Variants in USP15 observed in about 807,000 individuals in gnomAD.
USP15 encodes the protein ubiquitin carboxyl-terminal hydrolase 15.
A neutral mutation model predicts 127.1 loss-of-function variants in USP15; 18 were observed. The observed-to-expected ratio is 0.14, with a 90% CI of 0.10 to 0.21. The LOEUF is 0.21. Ranked by LOEUF, USP15 falls within the 10% of genes least tolerant of loss-of-function variation. The probability of loss-of-function intolerance (pLI) is 1.00; values close to 1 mark genes in which losing one functional copy is unlikely to be tolerated. For synonymous variants in USP15, 364 were observed against 393.7 expected (o/e 0.92, Z 0.89); for missense variants, 805 against 1,159.9 (o/e 0.69, Z 4.44).
chr12:62,405,255 C>A lies in USP15; in HGVS notation c.*880C>A, dbSNP rs1019719530. ...TCTCCCAATTATTGTAATATAAGGACAGACATAATAGTATTCTGTACCCAT... is the reference window on the plus strand; with the variant it reads ...TCTCCCAATTATTGTAATATAAGGAAAGACATAATAGTATTCTGTACCCAT... On this transcript the variant is annotated 3_prime_UTR_variant, in exon 22 of 22. Transcript: ENST00000280377. The A allele has an allele frequency of 6.6e-6, 1 of 152,050 alleles. No homozygotes were observed. The allele number at this position is 152,050 out of a possible 1,614,324, so 9.4% of individuals were successfully genotyped here. A position where few individuals can be genotyped will look rare whatever the true frequency, so the allele number is the denominator to read the frequency against.
At chr12:62,358,021 C>A (rs1024042008) in intron 8 of USP15, among the ~76,000 whole-genome samples, 2 of 152,004 alleles carry the variant, frequency 1.3e-5, no homozygotes, top group Admixed American at 1.3e-4. Context: ...TGAAGACGTT[C>A]ATGAATTTTA....
intron 1 of USP15, among the ~76,000 whole-genome samples, chr12:62,268,671 A>G (rs975187919): frequency 1.1e-4 from 16 of 152,214 alleles, no homozygotes; most frequent in African/African-American, 3.4e-4. Flanking sequence ...CAGTCTCTAA[A>G]ACCACCTCTA....
At chr12:62,382,186 T>C (rs942465076) in intron 9 of USP15, among the ~76,000 whole-genome samples, 2 of 152,044 alleles carry the variant, frequency 1.3e-5, no homozygotes, top group African/African-American at 4.8e-5. Flanking sequence ...TCTTAAACTT[T>C]TAAGGTTATT....
chr12:62,321,739 CT>C lies in USP15; in HGVS notation c.621+133del, dbSNP rs201982455. The C allele has an allele frequency of 2.9e-3, 1,883 of 649,252 alleles. 25 individuals carry two copies. The African/African-American group carries it at 0.029, about 10-fold the overall frequency. 40.2% of individuals were successfully genotyped at this position (649,252 alleles called of 1,614,324 possible). A position where few individuals can be genotyped will look rare whatever the true frequency, so the allele number is the denominator to read the frequency against. On this transcript the variant is annotated intron_variant, in intron 5 of 21. Transcript: ENST00000280377. ...TCCTCTTTCTAAACTCATCTCTTGT[CT>C]TTCCTTGCTGGTTACTGACTCTGAC...
intron 3 of USP15, among the ~76,000 whole-genome samples, chr12:62,307,090 G>A (rs1021805968): frequency 6.6e-6 from 1 of 152,120 alleles, no homozygotes; most frequent in Non-Finnish European, 1.5e-5. Flanking sequence ...TATGGCTTTT[G>A]TCTAATGGAA....
intron 3 of USP15, among the ~76,000 whole-genome samples, chr12:62,303,813 G>A (rs1039336424): frequency 6.6e-6 from 1 of 152,026 alleles, no homozygotes; most frequent in African/African-American, 2.4e-5. Flanking sequence ...GATCTTGAAT[G>A]TACCTTTTAT....
intron 3 of USP15, among the ~76,000 whole-genome samples, chr12:62,303,752 C>A (rs1223561356): frequency 1.3e-5 from 2 of 152,086 alleles, no homozygotes; most frequent in Non-Finnish European, 2.9e-5. Context: ...ATTTGTGTAT[C>A]CATGGTTTTA....
At chr12:62,386,735 G>A (rs1212364268) in intron 11 of USP15, among the ~76,000 whole-genome samples, 2 of 152,020 alleles carry the variant, frequency 1.3e-5, no homozygotes, top group Non-Finnish European at 2.9e-5. Flanking sequence ...CTAAAAACTA[G>A]GGAAGCCATT....
intron 1 of USP15, among the ~76,000 whole-genome samples, chr12:62,277,983 C>T (rs947373368): frequency 6.6e-6 from 1 of 152,232 alleles, no homozygotes. Flanking sequence ...GTTTTTGACT[C>T]GTTTGTTATA....
chr12:62,321,537 C>T lies in USP15; in HGVS notation c.549C>T (p.Tyr183=), dbSNP rs551053815. 6 of 1,609,894 alleles carry T rather than the reference C, an allele frequency of 3.7e-6. No homozygotes were observed. The Admixed American group carries it at 1.0e-4, about 27-fold the overall frequency. Residue 183 remains tyrosine (Y), a synonymous_variant, in exon 5 of 22, where the codon TAC becomes TAT. Coordinates refer to ENST00000280377, the MANE Select transcript of USP15 (RefSeq NM_001252078.2). Reference sequence around the variant, plus strand: ...AGGAGACCAGATTGTGGAACAAATACATGAGTAACACATTTGAACCACTGA... The same window carrying T: ...AGGAGACCAGATTGTGGAACAAATATATGAGTAACACATTTGAACCACTGA... ...DEKETRLWNK[Y]MSNTFEPLNK... is the part of the protein sequence containing the mutation.
intron 1 of USP15, among the ~76,000 whole-genome samples, chr12:62,293,183 A>T (rs1173507055): frequency 6.6e-6 from 1 of 152,078 alleles, no homozygotes; most frequent in Admixed American, 6.6e-5. Context: ...GGAATGAAGG[A>T]TCCCAAACAC....
intron 8 of USP15, among the ~76,000 whole-genome samples, chr12:62,373,526 G>A (rs1379702476): frequency 1.3e-5 from 2 of 151,786 alleles, no homozygotes; most frequent in African/African-American, 4.8e-5. Context: ...CAAGTGTTAG[G>A]ACAACATCCT....
chr12:62,391,313 G>T lies in USP15; in HGVS notation c.2117G>T (p.Gly706Val). The T allele has an allele frequency of 6.2e-7, 1 of 1,613,216 alleles. No homozygotes were observed. Among genetic ancestry groups the T allele is most frequent in the East Asian group, 2.2e-5 (1 of 44,796 alleles). ...TEDTCKGQLT[G>V]HKKRLFTFQF... Reference sequence around the variant, plus strand: ...GATACTTGCAAAGGTCAACTCACGGGACACAAAAAACGATTGTTTACATTC... The same window carrying T: ...GATACTTGCAAAGGTCAACTCACGGTACACAAAAAACGATTGTTTACATTC... The change falls in exon 16 of 22, where the codon GGA becomes GTA. Residue 706 changes from glycine (G) to valine (V), a missense_variant. This residue lies in a region of USP15 where 225 missense variants were observed against 239.5 expected (regional missense o/e 0.94). Coordinates refer to ENST00000280377, the MANE Select transcript of USP15 (RefSeq NM_001252078.2).
intron 1 of USP15, among the ~76,000 whole-genome samples, chr12:62,262,673 G>A (rs955789285): frequency 4.6e-5 from 7 of 152,094 alleles, no homozygotes; most frequent in Admixed American, 3.3e-4. Context: ...GTGTGTGTGT[G>A]CGTGTATAGC....
chr12:62,327,486 A>C (rs2065160743), intron 6 of USP15, among the ~76,000 whole-genome samples: 1 of 152,172 alleles, frequency 6.6e-6, no homozygotes, highest in South Asian at 2.1e-4. Context: ...CTAAATGTTT[A>C]GATTGCTATG....
rs138261385 is a variant in USP15 at position 62,407,652 on chromosome 12, A to T, written c.*3277A>T. On this transcript the variant is annotated 3_prime_UTR_variant, in exon 22 of 22. Coordinates refer to ENST00000280377, the MANE Select transcript of USP15 (RefSeq NM_001252078.2). ...TGTGACATTTTTTTCTTACCTTTTC[A>T]TCTAACTTGTGTCCCCTTCTTTCCA... 1 of 152,000 alleles carries T rather than the reference A, an allele frequency of 6.6e-6. No individual in the cohort carries two copies. The highest frequency in any genetic ancestry group is 1.5e-5 in the Non-Finnish European group (1 of 67,988). 9.4% of individuals were successfully genotyped at this position (152,000 alleles called of 1,614,324 possible).
rs1017273066 is a variant in USP15 at position 62,260,780 on chromosome 12, C to A, written c.89+277C>A. Reference sequence around the variant, plus strand: ...GCGGTTCTCTTCGTCCTCCTTCCTTCCGTAGTGCCGCTCCCACCTCAGGCC... The same window carrying A: ...GCGGTTCTCTTCGTCCTCCTTCCTTACGTAGTGCCGCTCCCACCTCAGGCC... On this transcript the variant is annotated intron_variant, in intron 1 of 21. Transcript: ENST00000280377. Among the ~76,000 whole-genome samples the A allele has an allele frequency of 1.3e-5, 2 of 152,154 alleles. 1 individual carries two copies. The highest frequency in any genetic ancestry group is 1.3e-4 in the Admixed American group (2 of 15,288).
At chr12:62,400,537 G>A (rs992553281) in intron 20 of USP15, among the ~76,000 whole-genome samples, 1 of 150,538 alleles carries the variant, frequency 6.6e-6, no homozygotes, top group Non-Finnish European at 1.5e-5. Context: ...GTGGTTGGTT[G>A]GGTTCAGGGA....
intron 7 of USP15, among the ~76,000 whole-genome samples, chr12:62,353,227 C>A (rs184141528): frequency 6.6e-6 from 1 of 151,948 alleles, no homozygotes; most frequent in Non-Finnish European, 1.5e-5. Context: ...AATCTTTGAG[C>A]AAAGTTGTAG....
Sources: allele counts gnomAD v4.1 joint callset (sites outside exome capture counted in the v4.1 genomes callset), GRCh38; gene constraint gnomAD v4.1.1; regional missense constraint gnomAD v4.1.1; transcripts MANE v1.5; gene names NCBI Gene and HGNC (gene_info 2026-07-23, HGNC 2026-07-21).